ARPC1A: variants seen among roughly 807,000 people sequenced by gnomAD.
ARPC1A encodes the protein actin related protein 2/3 complex subunit 1A.
A neutral mutation model predicts 46.9 loss-of-function variants in ARPC1A; 8 were observed. The observed-to-expected ratio is 0.17, with a 90% CI of 0.10 to 0.31. The LOEUF (loss-of-function observed/expected upper bound fraction) is 0.31, where lower values mean the gene tolerates loss of function less well. Ranked by LOEUF, ARPC1A falls within the 10% of genes least tolerant of loss-of-function variation. The pLI is 1.00. For synonymous variants in ARPC1A, 152 were observed against 169.0 expected (o/e 0.90, Z 0.78); for missense variants, 286 against 483.6 (o/e 0.59, Z 3.83).
At position 99,359,579 on chromosome 7, in the gene ARPC1A, A is replaced by G. The variant is rs781337932; in HGVS notation, c.824A>G (p.Asp275Gly). The G allele has an allele frequency of 5.6e-6, 9 of 1,614,096 alleles. No homozygotes were observed. Among genetic ancestry groups the G allele is most frequent in the Non-Finnish European group, 7.6e-6 (9 of 1,180,014 alleles). ...TGCTGCCCAATGCTCTTTAACTACG[A>G]TGACCGCGGCTGCCTGACCTTCGTC... ...HDCCPMLFNY[D>G]DRGCLTFVSK... Residue 275 changes from aspartate to glycine, a missense_variant, in exon 8 of 10, where the codon GAT becomes GGT. By Grantham distance (94) the Asp-to-Gly change is moderately conservative. This residue lies in a region of ARPC1A where 182 missense variants were observed against 276.7 expected (regional missense o/e 0.66). Coordinates refer to ENST00000262942, the MANE Select transcript of ARPC1A (RefSeq NM_006409.4).
At chr7:99,348,260 A>T (rs189888285) in intron 4 of ARPC1A, among the ~76,000 whole-genome samples, 1 of 152,326 alleles carries the variant, frequency 6.6e-6, no homozygotes, top group East Asian at 1.9e-4. Context: ...TTAACGTCCT[A>T]TGTAATCCGA....
intron 1 of ARPC1A, among the ~76,000 whole-genome samples, chr7:99,326,429 A>C (rs1290076088): frequency 6.6e-6 from 1 of 152,128 alleles, no homozygotes; most frequent in Non-Finnish European, 1.5e-5. Context: ...CCTGCTCTCT[A>C]GGGCAGCCCT....
At chr7:99,336,143 A>G (rs927673886) in intron 2 of ARPC1A, among the ~76,000 whole-genome samples, 2 of 152,170 alleles carry the variant, frequency 1.3e-5, no homozygotes, top group African/African-American at 2.4e-5. Flanking sequence ...TTTAATACAG[A>G]TGCAAGCTAT....
At chr7:99,346,876 G>A (rs898001239) in intron 4 of ARPC1A, among the ~76,000 whole-genome samples, 1 of 152,092 alleles carries the variant, frequency 6.6e-6, no homozygotes, top group African/African-American at 2.4e-5. Flanking sequence ...CTACTTGGGA[G>A]TCTGAGGCAG....
At chr7:99,330,605 A>G (rs934851355) in intron 1 of ARPC1A, among the ~76,000 whole-genome samples, 1 of 152,148 alleles carries the variant, frequency 6.6e-6, no homozygotes, top group Non-Finnish European at 1.5e-5. Context: ...TTGAGCCACC[A>G]TGCCTGGCCT....
chr7:99,340,686 C>G (rs1793344706), intron 3 of ARPC1A, among the ~76,000 whole-genome samples: 1 of 152,144 alleles, frequency 6.6e-6, no homozygotes, highest in Admixed American at 6.6e-5. Context: ...GCAATTTTAC[C>G]TCTAATCACC....
At chr7:99,347,068 T>TAAAA (rs1562799775) in intron 4 of ARPC1A, among the ~76,000 whole-genome samples, 1 of 152,146 alleles carries the variant, frequency 6.6e-6, no homozygotes, top group Non-Finnish European at 1.5e-5. Context: ...TTTTTTATTT[T>TAAAA]ATTTATTTAT....
chr7:99,329,842 T>C (rs2150856958), intron 1 of ARPC1A, among the ~76,000 whole-genome samples: 1 of 152,352 alleles, frequency 6.6e-6, no homozygotes. Context: ...CACGTAGATA[T>C]TCACATCAAA....
intron 4 of ARPC1A, 47 bp from the exon 5 acceptor site, chr7:99,348,805 G>A (rs369064953): frequency 7.4e-6 from 11 of 1,494,904 alleles, no homozygotes; most frequent in Middle Eastern, 1.8e-4. Flanking sequence ...GGTCATTTGG[G>A]GATGCTGGTT....
intron 3 of ARPC1A, among the ~76,000 whole-genome samples, chr7:99,344,031 G>A (rs904690118): frequency 2.0e-5 from 3 of 152,180 alleles, no homozygotes; most frequent in Non-Finnish European, 2.9e-5. Flanking sequence ...GAATGGCCCC[G>A]TTTAGTTTTG....
At chr7:99,344,566 C>T (rs1255720586) in intron 4 of ARPC1A, 51 bp downstream of exon 4, 2 of 1,572,604 alleles carry the variant, frequency 1.3e-6, no homozygotes, top group Non-Finnish European at 1.7e-6. Context: ...TTTACATTTG[C>T]ACTGCTGTGT....
At chr7:99,347,070 T>C (rs1054228156) in intron 4 of ARPC1A, among the ~76,000 whole-genome samples, 4 of 152,156 alleles carry the variant, frequency 2.6e-5, no homozygotes, top group African/African-American at 9.7e-5. Flanking sequence ...TTTTATTTTA[T>C]TTATTTATTT....
intron 6 of ARPC1A, among the ~76,000 whole-genome samples, chr7:99,355,454 G>A (rs915598376): frequency 6.6e-6 from 1 of 151,948 alleles, no homozygotes; most frequent in African/African-American, 2.4e-5. Flanking sequence ...CTTAAAAAGG[G>A]CCAGTTTAAG....
chr7:99,352,981 A>G (rs1311898731), intron 5 of ARPC1A, among the ~76,000 whole-genome samples: 1 of 151,966 alleles, frequency 6.6e-6, no homozygotes, highest in African/African-American at 2.4e-5. Context: ...ATATATATAT[A>G]TATACTAGAA....
intron 5 of ARPC1A, among the ~76,000 whole-genome samples, chr7:99,349,764 C>A (rs190034667): frequency 6.6e-6 from 1 of 151,864 alleles, no homozygotes; most frequent in South Asian, 2.1e-4. Context: ...GGTGTGAACT[C>A]GGGAGGCGGA....
chr7:99,342,891 T>G (rs1562798602), intron 3 of ARPC1A, among the ~76,000 whole-genome samples: 1 of 151,572 alleles, frequency 6.6e-6, no homozygotes, highest in Non-Finnish European at 1.5e-5. Context: ...CCCGGCTAAT[T>G]TTTTCCATTT....
At position 99,344,437 on chromosome 7, in the gene ARPC1A, C is replaced by T; in HGVS notation, c.314C>T (p.Ser105Phe). Residue 105 changes from serine (S) to phenylalanine (F), a missense_variant, in exon 4 of 10, where the codon TCC becomes TTC. Ser to Phe is a radical substitution (Grantham distance 155). Transcript: ENST00000262942. ...INRAATFVKW[S>F]PLENKFAVGS... ...CGCGCAGCTACTTTTGTGAAGTGGT[C>T]CCCCCTAGAGAACAAATTTGCTGTG... 6.2e-7 allele frequency: 1 copy of T among 1,613,874 alleles called. No individual in the cohort carries two copies. The highest frequency in any genetic ancestry group is 8.5e-7 in the Non-Finnish European group (1 of 1,179,852).
At chr7:99,338,095 C>T in intron 2 of ARPC1A, 86 bp from the exon 3 acceptor site, 1 of 972,412 alleles carries the variant, frequency 1.0e-6, no homozygotes, top group Non-Finnish European at 1.5e-6. Flanking sequence ...TTACTATAGT[C>T]TGCTTTTAAA....
chr7:99,360,089 T>C (rs1410068276), intron 8 of ARPC1A: 4 of 343,854 alleles, frequency 1.2e-5, no homozygotes. Flanking sequence ...GAGACATTCC[T>C]GAATGCTGCG....
Sources: gnomAD v4.1 joint callset for allele counts (sites outside exome capture counted in the v4.1 genomes callset) on GRCh38, gnomAD v4.1.1 for gene constraint, gnomAD v4.1.1 regional missense constraint, MANE v1.5 for transcripts, NCBI Gene and HGNC (gene_info 2026-07-23, HGNC 2026-07-21) for gene names.